The following TRRAP variants were observed in gnomAD, a reference collection of about 807,000 sequenced individuals.
TRRAP encodes the protein transformation/transcription domain associated protein, also known as transformation/transcription domain-associated protein.
In TRRAP, 41 loss-of-function variants were observed where a neutral mutation model predicts 438.8. That is an observed-to-expected ratio of 0.09 (90% CI 0.07 to 0.12). The LOEUF is 0.12. Among genes scored for constraint, TRRAP ranks in the 10% least tolerant of loss-of-function variants. The probability of loss-of-function intolerance (pLI) is 1.00; values close to 1 mark genes in which losing one functional copy is unlikely to be tolerated. For missense variants in TRRAP, 3,122 were observed against 5,055.1 expected (o/e 0.62, Z 11.60); for synonymous variants, 1,994 against 1,962.9 (o/e 1.02, Z -0.42).
chr7:98,972,036 T>C lies in TRRAP; in HGVS notation c.7839+91T>C, dbSNP rs375185228. 8 of 1,469,116 alleles carry C rather than the reference T, an allele frequency of 5.4e-6. No individual in the cohort carries two copies. The African/African-American group carries it at 7.1e-5, about 13-fold the overall frequency. 91.0% of individuals were successfully genotyped at this position (1,469,116 alleles called of 1,614,324 possible). On this transcript the variant is annotated intron_variant, in intron 53 of 72. Transcript: ENST00000456197. ...GATCATTCCACAGCAGTGTAACTTT[T>C]TCTGTTTCTTTTCTTTTTCTTTTTG...
intron 10 of TRRAP, 101 bp downstream of exon 10, chr7:98,899,868 T>C: frequency 7.3e-7 from 1 of 1,372,344 alleles, no homozygotes. Context: ...AGTGATAAAA[T>C]TTTGGTAAAA....
intron 56 of TRRAP, 25 bp downstream of exon 56, chr7:98,977,101 T>G: frequency 6.2e-7 from 1 of 1,613,992 alleles, no homozygotes; most frequent in Non-Finnish European, 8.5e-7. Context: ...ACTGACGGTC[T>G]TGGGTGTGTA....
At chr7:98,926,341 AACAACT>A (rs1554411567) in intron 22 of TRRAP, among the ~76,000 whole-genome samples, 1 of 152,226 alleles carries the variant, frequency 6.6e-6, no homozygotes, top group African/African-American at 2.4e-5. Flanking sequence ...ACTATAGTGA[AACAACT>A]ACAAATCAGA....
intron 39 of TRRAP, among the ~76,000 whole-genome samples, chr7:98,952,599 CA>C (rs1248518402): frequency 6.6e-6 from 1 of 152,068 alleles, no homozygotes; most frequent in African/African-American, 2.4e-5. Flanking sequence ...TTTATTTTGC[CA>C]AAGTTAAGGA....
At chr7:99,008,112 C>T (rs1246316594) in intron 69 of TRRAP, among the ~76,000 whole-genome samples, 1 of 152,248 alleles carries the variant, frequency 6.6e-6, no homozygotes, top group Non-Finnish European at 1.5e-5. Flanking sequence ...GCGTGAGCCA[C>T]TGTGTCCGGC....
chr7:98,912,012 G>A lies in TRRAP; in HGVS notation c.2008-10G>A, dbSNP rs782240624. ...GATTAATTTTTCACATGTGTTTCTT[G>A]TATTGACAGATTGTTGCCAATTCCT... On this transcript the variant is annotated splice_polypyrimidine_tract_variant and intron_variant, in intron 17 of 72. Transcript: ENST00000456197. 7.5e-6 allele frequency: 12 copies of A among 1,609,560 alleles called. No individual in the cohort carries two copies. The highest frequency in any genetic ancestry group is 3.4e-6 in the Non-Finnish European group (4 of 1,177,236).
At chr7:98,979,958 TAGAAG>T (rs1249395504) in intron 58 of TRRAP, among the ~76,000 whole-genome samples, 1 of 152,182 alleles carries the variant, frequency 6.6e-6, no homozygotes, top group Non-Finnish European at 1.5e-5. Context: ...GTGGGGAAAA[TAGAAG>T]AGATGCCGTT....
At chr7:98,951,576 C>A (rs1156708292) in intron 39 of TRRAP, among the ~76,000 whole-genome samples, 1 of 152,188 alleles carries the variant, frequency 6.6e-6, no homozygotes, top group Non-Finnish European at 1.5e-5. Flanking sequence ...CTGTATTGAT[C>A]TTCACTGTTA....
At chr7:98,970,897 A>C (rs1262189057) in intron 52 of TRRAP, among the ~76,000 whole-genome samples, 1 of 151,702 alleles carries the variant, frequency 6.6e-6, no homozygotes, top group African/African-American at 2.4e-5. Context: ...ACCTGTACGA[A>C]GGTTGATGCC....
rs763854273 is a variant in TRRAP, at chr7:98,976,612, C to T, written c.8089C>T (p.Pro2697Ser). The T allele has an allele frequency of 6.2e-7, 1 of 1,614,218 alleles. No individual in the cohort carries two copies. Among genetic ancestry groups the T allele is most frequent in the South Asian group, 1.1e-5 (1 of 91,084 alleles). ...GTGCGTGCCGCCAATCCCCATCCGA[C>T]CCTGCGTCCTGAAGTACCTGGGGAA... ...SQCVPPIPIR[P>S]CVLKYLGKTH... The change falls in exon 55 of 73, where the codon CCC becomes TCC. Residue 2697 changes from proline to serine, a missense_variant. Physicochemically the swap from Pro to Ser is moderately conservative, Grantham distance 74. Around this residue, in one of 24 missense-constraint regions of TRRAP, gnomAD observed 992 missense variants for 1,281.2 expected, o/e 0.77. Transcript: ENST00000456197. The surrounding 1 kb of genome is among the most constrained non-coding windows in gnomAD (Gnocchi z 4.6).
intron 41 of TRRAP, among the ~76,000 whole-genome samples, chr7:98,955,906 TTGTAATGGGA>T (rs1194197079): frequency 5.3e-5 from 8 of 152,110 alleles, no homozygotes; most frequent in African/African-American, 1.4e-4. Context: ...AAGTATACTA[TTGTAATGGGA>T]TGTAATGGGA....
chr7:98,899,061 T>C (rs1477780697), intron 8 of TRRAP, among the ~76,000 whole-genome samples: 1 of 152,078 alleles, frequency 6.6e-6, no homozygotes, highest in Non-Finnish European at 1.5e-5. Context: ...TGGTGGTTCA[T>C]GCCTGTAATC....
In TRRAP at chr7:98,976,153, G is replaced by C. The variant is rs778543312; in HGVS notation, c.7844G>C (p.Gly2615Ala). The change falls in exon 54 of 73, where the codon GGA (glycine) becomes GCA (alanine). Residue 2615 changes from glycine (G) to alanine (A), a missense_variant. Transcript: ENST00000456197. This position sits in a 1 kb window ranked among gnomAD's most constrained non-coding sequence, Gnocchi z 4.6. Reference protein sequence around the residue: ...FLDTLREVKTGALLSAFVQLC... With the variant: ...FLDTLREVKTAALLSAFVQLC... ...CTGTTGTCTTTCTGTTCATAGACTG[G>C]AGCGCTGCTCAGCGCTTTCGTTCAG... 12 of 1,613,870 alleles carry C rather than the reference G, an allele frequency of 7.4e-6. No individual in the cohort carries two copies. The South Asian group carries it at 7.7e-5, about 10-fold the overall frequency.
rs1426578407 is a variant in TRRAP, at chr7:98,890,540, GA to G, written c.261+98del. ...AAAACTTACGGTTCCACTTAAAAACGAAAGAGGTTTTGTCACATAAGGATAA... is the reference window on the plus strand; with the variant it reads ...AAAACTTACGGTTCCACTTAAAAACGAAGAGGTTTTGTCACATAAGGATAA... On this transcript the variant is annotated intron_variant, in intron 4 of 72. Transcript: ENST00000456197. 8 of 855,748 alleles carry G rather than the reference GA, an allele frequency of 9.3e-6. No individual in the cohort carries two copies. In the East Asian group the frequency reaches 1.2e-4, roughly 13 times the overall value. 53.0% of individuals were successfully genotyped at this position (855,748 alleles called of 1,614,324 possible).
At position 98,955,089 on chromosome 7, in the gene TRRAP, C is replaced by G; in HGVS notation, c.5731-9C>G. 2 of 1,606,432 alleles carry G rather than the reference C, an allele frequency of 1.2e-6. No individual in the cohort carries two copies. On this transcript the variant is annotated splice_polypyrimidine_tract_variant and intron_variant, in intron 40 of 72. Coordinates refer to ENST00000456197, the MANE Select transcript of TRRAP (RefSeq NM_001375524.1). ...CTCATCCTCCATAAACGTCTCTTCC[C>G]TGTTTTAGGTTTTTCATAGTCTCCT...
chr7:98,902,212 C>T lies in TRRAP; in HGVS notation c.898-1167C>T, dbSNP rs565257033. On this transcript the variant is annotated intron_variant, in intron 11 of 72. Transcript: ENST00000456197. ...GTGAGAGAGATTGGAATTTAAAAGG[C>T]GTTATCAGTAAAACTGATGAAGAAG... is the stretch of plus-strand genomic sequence containing the variant. 1.1e-4 allele frequency among the ~76,000 whole-genome samples: 16 copies of T among 152,266 alleles called. No homozygotes were observed. In the East Asian group the frequency reaches 1.5e-3, roughly 15 times the overall value.
intron 47 of TRRAP, among the ~76,000 whole-genome samples, chr7:98,963,424 G>A (rs550346767): frequency 7.0e-4 from 106 of 152,270 alleles, no homozygotes; most frequent in African/African-American, 2.5e-3. Context: ...CTCATTCTCT[G>A]GAGGACTCTT....
intron 13 of TRRAP, among the ~76,000 whole-genome samples, chr7:98,907,162 A>T (rs1209027998): frequency 6.6e-6 from 1 of 152,142 alleles, no homozygotes; most frequent in Non-Finnish European, 1.5e-5. Flanking sequence ...CTTCTCTACT[A>T]AAAATACAAA....
chr7:98,908,691 C>T lies in TRRAP; in HGVS notation c.1116-37C>T, dbSNP rs547242926. On this transcript the variant is annotated intron_variant, in intron 13 of 72. Transcript: ENST00000456197. This position sits in a 1 kb window ranked among gnomAD's most constrained non-coding sequence, Gnocchi z 4.1. ...TGGCCTGCTGCAGCAGGCATGGCCA[C>T]GTGGGAATGAGCACTAGTCGAGGTC... 2.5e-5 allele frequency: 38 copies of T among 1,527,782 alleles called. No homozygotes were observed. The highest frequency in any genetic ancestry group is 5.5e-5 in the African/African-American group (4 of 72,858). 94.6% of individuals were successfully genotyped at this position (1,527,782 alleles called of 1,614,324 possible).
Sources: allele counts gnomAD v4.1 joint callset (sites outside exome capture counted in the v4.1 genomes callset), GRCh38; gene constraint gnomAD v4.1.1; regional missense constraint gnomAD v4.1.1; non-coding constraint Gnocchi (gnomAD v3.1); transcripts MANE v1.5; gene names NCBI Gene and HGNC (gene_info 2026-07-23, HGNC 2026-07-21).